The following PDE4D variants were observed in gnomAD, a reference collection of about 807,000 sequenced individuals.
PDE4D encodes the protein phosphodiesterase 4D.
PDE4D carries 24 observed loss-of-function variants against 87.4 expected under a neutral mutation model. The ratio of observed to expected loss-of-function variants is 0.27; its 90% confidence interval spans 0.20 to 0.39. The LOEUF is 0.39. PDE4D is among the 10% of genes least tolerant of loss of function. PDE4D has a pLI of 1.00. For synonymous variants in PDE4D, 384 were observed against 383.2 expected (o/e 1.00, Z -0.02); for missense variants, 714 against 1,041.0 (o/e 0.69, Z 4.32).
intron 3 of PDE4D, among the ~76,000 whole-genome samples, chr5:59,898,729 A>T (rs896535171): frequency 1.1e-4 from 16 of 152,242 alleles, no homozygotes; most frequent in African/African-American, 3.9e-4. Flanking sequence ...CTGCAAGGAC[A>T]GCTGAGCAAT....
intron 5 of PDE4D, chr5:59,062,987 A>T (rs1763376670): frequency 6.6e-6 from 1 of 152,140 alleles, no homozygotes; most frequent in African/African-American, 2.4e-5. Context: ...TAATTCTAAG[A>T]GACCTTTTAG....
chr5:60,303,456 G>C (rs547332346), intron 1 of PDE4D, among the ~76,000 whole-genome samples: 21 of 151,958 alleles, frequency 1.4e-4, no homozygotes, highest in Admixed American at 1.3e-4. Flanking sequence ...CTACAGGCGC[G>C]CGCCACCACG....
chr5:59,731,343 G>A (rs1044454594), intron 1 of PDE4D, among the ~76,000 whole-genome samples: 10 of 151,866 alleles, frequency 6.6e-5, no homozygotes, highest in African/African-American at 2.4e-4. Context: ...GAGCAGTATC[G>A]CCAATGGTCG....
chr5:59,354,506 A>G (rs1781038826), intron 1 of PDE4D, among the ~76,000 whole-genome samples: 1 of 152,096 alleles, frequency 6.6e-6, no homozygotes, highest in Non-Finnish European at 1.5e-5. Context: ...TGGTGTGTAT[A>G]TGTGTCTGTA....
At chr5:59,971,837 G>C (rs1457909299) in intron 3 of PDE4D, among the ~76,000 whole-genome samples, 1 of 152,144 alleles carries the variant, frequency 6.6e-6, no homozygotes, top group Non-Finnish European at 1.5e-5. Context: ...ATCAAGGGCT[G>C]TGATTTGCAA....
intron 5 of PDE4D, among the ~76,000 whole-genome samples, chr5:59,094,216 CAAAAAAAAAAA>C (rs1164383460): frequency 4.1e-4 from 6 of 14,562 alleles, no homozygotes; most frequent in Admixed American, 1.1e-3. Context: ...GACTCCGTCT[CAAAAAAAAAAA>C]AAAAAAAAAA....
chr5:60,023,313 C>T (rs1766275700), intron 2 of PDE4D, among the ~76,000 whole-genome samples: 1 of 152,094 alleles, frequency 6.6e-6, no homozygotes, highest in Admixed American at 6.5e-5. Flanking sequence ...TCCCCATGTC[C>T]TTAGCATCTG....
At chr5:60,170,587 T>C (rs1289516124) in intron 2 of PDE4D, among the ~76,000 whole-genome samples, 1 of 151,974 alleles carries the variant, frequency 6.6e-6, no homozygotes, top group Non-Finnish European at 1.5e-5. Flanking sequence ...CTGAAAAGCA[T>C]CATACAAATG....
intron 1 of PDE4D, among the ~76,000 whole-genome samples, chr5:59,498,802 A>G (rs1313569082): frequency 1.3e-5 from 2 of 152,136 alleles, no homozygotes; most frequent in African/African-American, 2.4e-5. Context: ...AGACCTATGA[A>G]AAGACTTTCA....
chr5:60,471,269 T>C lies in PDE4D; in HGVS notation c.-90+16673A>G, dbSNP rs190229288. On this transcript the variant is annotated intron_variant, in intron 1 of 16. Coordinates refer to the PDE4D transcript ENST00000502484. ...ATGTGATTGAATTTCTGCAATCCCA[T>C]GATAAAATTTGAAGATTTGAGGAGC... 5.9e-5 allele frequency among the ~76,000 whole-genome samples: 9 copies of C among 152,274 alleles called. No homozygotes were observed. In the East Asian group the frequency reaches 1.7e-3, roughly 29 times the overall value.
chr5:59,974,655 T>A (rs146167222), intron 3 of PDE4D, among the ~76,000 whole-genome samples: 1 of 152,222 alleles, frequency 6.6e-6, no homozygotes, highest in Admixed American at 6.5e-5. Flanking sequence ...TTAACACCCA[T>A]CAGTCAGAGG....
chr5:60,515,619 T>TC (rs1491373987), intron 1 of PDE4D, among the ~76,000 whole-genome samples: 3 of 145,700 alleles, frequency 2.1e-5, no homozygotes, highest in Non-Finnish European at 4.5e-5. Context: ...TTTTTTTTTT[T>TC]CTGTCAGGAT....
intron 2 of PDE4D, chr5:60,185,512 T>C: frequency 3.9e-6 from 5 of 1,294,638 alleles, no homozygotes; most frequent in Non-Finnish European, 5.4e-6. Context: ...TAAAATGTTA[T>C]ATGTACATGT....
chr5:59,587,318 G>A (rs1049924442), intron 1 of PDE4D: 4 of 460,904 alleles, frequency 8.7e-6, no homozygotes, highest in African/African-American at 4.2e-5. Flanking sequence ...TTCTTCCCCC[G>A]ATGTCTTTCT....
rs915931458 is a variant in PDE4D, at chr5:60,256,316, C to T, written c.-89-70629G>A. On this transcript the variant is annotated intron_variant, in intron 1 of 16. Transcript: ENST00000502484. ...TGGGTTTAATTATTTTTAAGCATGG[C>T]CTCATCAGAGGTTTTAAAATATCTT... 7.9e-5 allele frequency among the ~76,000 whole-genome samples: 12 copies of T among 151,962 alleles called. No homozygotes were observed. The South Asian group carries it at 2.5e-3, about 32-fold the overall frequency.
In PDE4D at chr5:59,156,331, A is replaced by ATATATG. The variant is rs1384479557; in HGVS notation, c.808+24263_808+24264insCATATA. 8.3e-4 allele frequency among the ~76,000 whole-genome samples: 102 copies of ATATATG among 122,740 alleles called. 1 individual carries two copies. The highest frequency in any genetic ancestry group is 3.4e-3 in the African/African-American group (101 of 29,636). 80.5% of individuals were successfully genotyped at this position (122,740 alleles called of 152,430 possible). On this transcript the variant is annotated intron_variant, in intron 5 of 14. Coordinates refer to ENST00000340635, the MANE Select transcript of PDE4D (RefSeq NM_001104631.2). The stretch of plus-strand genomic sequence containing the variant: ...CCAGAAAAAAAAAAAATATATATAT[A>ATATATG]TGTGTGTGTGTGTGTGTGTGTGTGT...
intron 1 of PDE4D, among the ~76,000 whole-genome samples, chr5:59,856,784 T>C (rs754691161): frequency 6.6e-6 from 1 of 152,206 alleles, no homozygotes; most frequent in South Asian, 2.1e-4. Flanking sequence ...AAAATGCTCA[T>C]TTCCAAGTAC....
intron 1 of PDE4D, among the ~76,000 whole-genome samples, chr5:59,274,304 C>T (rs1320426565): frequency 3.3e-5 from 5 of 152,060 alleles, no homozygotes; most frequent in Non-Finnish European, 7.4e-5. Context: ...GCGGATGGGG[C>T]AATTCTTGTT....
Position 59,275,661 on chromosome 5 carries a change from T to G in PDE4D, c.456-59693A>C, listed in dbSNP as rs1363064389. On this transcript the variant is annotated intron_variant, in intron 1 of 14. Coordinates refer to ENST00000340635, the MANE Select transcript of PDE4D (RefSeq NM_001104631.2). The stretch of plus-strand genomic sequence containing the variant: ...GGAAGTGACAGTTTCTTCTGTGTCT[T>G]GCAATGCCAAGGGAGGAACTGAATT... The G allele has an allele frequency of 5.1e-6, 6 of 1,183,264 alleles. No homozygotes were observed. In the African/African-American group the frequency reaches 9.4e-5, roughly 19 times the overall value. 73.3% of individuals were successfully genotyped at this position (1,183,264 alleles called of 1,614,324 possible).
Sources: allele counts gnomAD v4.1 joint callset (sites outside exome capture counted in the v4.1 genomes callset), GRCh38; gene constraint gnomAD v4.1.1; transcripts MANE v1.5; gene names NCBI Gene and HGNC (gene_info 2026-07-23, HGNC 2026-07-21).